XKR4: variants seen among roughly 807,000 people sequenced by gnomAD.
The protein encoded by XKR4 is XK-related protein 4.
In XKR4, 12 loss-of-function variants were observed where a neutral mutation model predicts 53.9. The ratio of observed to expected loss-of-function variants is 0.22; its 90% CI spans 0.14 to 0.36. The LOEUF (loss-of-function observed/expected upper bound fraction) is 0.36, where lower values mean the gene tolerates loss of function less well. XKR4 is among the 10% of genes least tolerant of loss of function. The probability of loss-of-function intolerance (pLI) is 1.00; values close to 1 mark genes in which losing one functional copy is unlikely to be tolerated. For missense variants in XKR4, 799 were observed against 859.5 expected (o/e 0.93, Z 0.88); for synonymous variants, 354 against 362.4 (o/e 0.98, Z 0.26).
At chr8:55,243,598 G>T (rs4329253) in intron 1 of XKR4, among the ~76,000 whole-genome samples, 29,186 of 152,204 alleles carry the variant, frequency 0.19, 3,662 homozygotes, top group East Asian at 0.45. Flanking sequence ...GAACTCAATT[G>T]CTGGGCCGTT....
chr8:55,462,800 A>G (rs1192241070), intron 2 of XKR4, among the ~76,000 whole-genome samples: 2 of 152,208 alleles, frequency 1.3e-5, no homozygotes, highest in African/African-American at 4.8e-5. Flanking sequence ...TAAATGGAAA[A>G]CAAAAAAAGG....
At chr8:55,429,034 C>T (rs1259445390) in intron 2 of XKR4, among the ~76,000 whole-genome samples, 1 of 152,188 alleles carries the variant, frequency 6.6e-6, no homozygotes, top group Non-Finnish European at 1.5e-5. Context: ...AATCAAGACC[C>T]TGTGGTATTG....
At chr8:55,109,338 C>T (rs116173280) in intron 1 of XKR4, among the ~76,000 whole-genome samples, 116 of 152,298 alleles carry the variant, frequency 7.6e-4, no homozygotes, top group Middle Eastern at 3.4e-3. Context: ...ACATATTAGA[C>T]TAACCTTTGC....
intron 2 of XKR4, among the ~76,000 whole-genome samples, chr8:55,360,567 A>T (rs1017730539): frequency 2.0e-5 from 3 of 152,238 alleles, no homozygotes; most frequent in African/African-American, 7.2e-5. Context: ...ATAGGCATGA[A>T]ATCTGTAAAG....
chr8:55,507,673 T>G (rs971119581), intron 2 of XKR4, among the ~76,000 whole-genome samples: 2 of 152,136 alleles, frequency 1.3e-5, no homozygotes, highest in Non-Finnish European at 1.5e-5. Flanking sequence ...GCAAAGGACA[T>G]GAACTCATCA....
intron 1 of XKR4, among the ~76,000 whole-genome samples, chr8:55,349,497 T>C (rs1336601596): frequency 1.3e-5 from 2 of 152,210 alleles, no homozygotes; most frequent in Non-Finnish European, 2.9e-5. Context: ...CATCCTCTGA[T>C]TCCAAGCTAG....
intron 1 of XKR4, among the ~76,000 whole-genome samples, chr8:55,220,227 A>G (rs1817863203): frequency 6.6e-6 from 1 of 152,150 alleles, no homozygotes. Context: ...AATTTTTTAA[A>G]TGTATGATAG....
At chr8:55,127,235 T>C (rs1468562668) in intron 1 of XKR4, among the ~76,000 whole-genome samples, 2 of 67,802 alleles carry the variant, frequency 2.9e-5, no homozygotes, top group Non-Finnish European at 5.7e-5. Context: ...TTTAGGTGCC[T>C]AACTCTTTTT....
intron 1 of XKR4, among the ~76,000 whole-genome samples, chr8:55,237,679 T>C (rs1818152531): frequency 6.6e-6 from 1 of 152,214 alleles, no homozygotes; most frequent in South Asian, 2.1e-4. Context: ...TAATGTATAG[T>C]AGAAGAACTA....
chr8:55,469,412 T>A (rs972137218), intron 2 of XKR4, among the ~76,000 whole-genome samples: 3 of 152,132 alleles, frequency 2.0e-5, no homozygotes, highest in African/African-American at 7.3e-5. Flanking sequence ...CTATTAATAT[T>A]TCCTCATTAC....
intron 1 of XKR4, among the ~76,000 whole-genome samples, chr8:55,136,836 T>C (rs1816637769): frequency 6.6e-6 from 1 of 152,222 alleles, no homozygotes; most frequent in East Asian, 1.9e-4. Context: ...AAAAACACTC[T>C]TGGGCTTCCC....
Position 55,523,830 on chromosome 8 carries a change from G to C in XKR4, c.1556G>C (p.Arg519Thr), listed in dbSNP as rs770544225. ...GCCTTCTTTCATCCCAATGGACCCA[G>C]ATTCGGGCAGTCACCAAGTTGTGCT... is the stretch of plus-strand genomic sequence containing the variant. ...YYAFFHPNGP[R>T]FGQSPSCACE... Residue 519 changes from arginine (R) to threonine (T), a missense_variant, in exon 3 of 3, where the codon AGA becomes ACA. Around this residue, in one of 3 missense-constraint regions of XKR4, gnomAD observed 269 missense variants for 264.4 expected, o/e 1.02. Transcript: ENST00000327381. 6.2e-7 allele frequency: 1 copy of C among 1,614,186 alleles called. No homozygotes were observed. The highest frequency in any genetic ancestry group is 2.2e-5 in the East Asian group (1 of 44,872).
Position 55,322,726 on chromosome 8 carries a change from A to G in XKR4, c.807-34952A>G, listed in dbSNP as rs577843208. ...ATCTTAATTTATACTTCCCTGCTAGAGTACGTGATATGTCTTTACATTATA... is the reference window on the plus strand; with the variant it reads ...ATCTTAATTTATACTTCCCTGCTAGGGTACGTGATATGTCTTTACATTATA... On this transcript the variant is annotated intron_variant, in intron 1 of 2. Transcript: ENST00000327381. 2.6e-5 allele frequency among the ~76,000 whole-genome samples: 4 copies of G among 152,286 alleles called. No homozygotes were observed. In the East Asian group the frequency reaches 7.7e-4, roughly 29 times the overall value.
intron 1 of XKR4, among the ~76,000 whole-genome samples, chr8:55,323,147 G>A (rs1803240621): frequency 6.6e-6 from 1 of 152,078 alleles, no homozygotes; most frequent in African/African-American, 2.4e-5. Context: ...TGCATTTATT[G>A]AGATGAGTAT....
intron 1 of XKR4, among the ~76,000 whole-genome samples, chr8:55,305,099 G>A (rs189622137): frequency 2.6e-5 from 4 of 152,258 alleles, no homozygotes; most frequent in African/African-American, 7.2e-5. Context: ...GACTACAGGG[G>A]AAAGGTCTAG....
At chr8:55,495,053 T>G (rs1806321980) in intron 2 of XKR4, among the ~76,000 whole-genome samples, 1 of 152,152 alleles carries the variant, frequency 6.6e-6, no homozygotes, top group Admixed American at 6.5e-5. Flanking sequence ...AATACCTGCT[T>G]GGCCTCCCTC....
intron 2 of XKR4, among the ~76,000 whole-genome samples, chr8:55,521,955 T>C (rs534864648): frequency 6.6e-6 from 1 of 152,294 alleles, no homozygotes; most frequent in Admixed American, 6.5e-5. Context: ...ATAGATTTGG[T>C]GAAGAAAAAG....
In XKR4 at chr8:55,532,314, T is replaced by C. The variant is rs1806965141; in HGVS notation, c.*8087T>C. On this transcript the variant is annotated 3_prime_UTR_variant, in exon 3 of 3. Coordinates refer to ENST00000327381, the MANE Select transcript of XKR4 (RefSeq NM_052898.2). ...CTACAATTATTGCTATTTTAGTCATTGGACCAGACAAAATGAAGCATATAA... is the reference window on the plus strand; with the variant it reads ...CTACAATTATTGCTATTTTAGTCATCGGACCAGACAAAATGAAGCATATAA... 1 of 152,302 alleles carries C rather than the reference T, an allele frequency of 6.6e-6. No individual in the cohort carries two copies. Among genetic ancestry groups the C allele is most frequent in the Admixed American group, 6.5e-5 (1 of 15,298 alleles). The allele number at this position is 152,302 out of a possible 1,614,324, so 9.4% of individuals were successfully genotyped here. A position where few individuals can be genotyped will look rare whatever the true frequency, so the allele number is the denominator to read the frequency against.
chr8:55,434,113 G>C (rs1805141291), intron 2 of XKR4, among the ~76,000 whole-genome samples: 1 of 152,002 alleles, frequency 6.6e-6, no homozygotes, highest in African/African-American at 2.4e-5. Context: ...ATTTTTAAAA[G>C]TTTACTTATT....
Sources: allele counts gnomAD v4.1 joint callset (sites outside exome capture counted in the v4.1 genomes callset), GRCh38; gene constraint gnomAD v4.1.1; regional missense constraint gnomAD v4.1.1; transcripts MANE v1.5; gene names NCBI Gene and HGNC (gene_info 2026-07-23, HGNC 2026-07-21).